The following RFX3 variants were observed in gnomAD, a reference collection of about 807,000 sequenced individuals.
RFX3 encodes the protein transcription factor RFX3.
Under a neutral mutation model 98.6 loss-of-function variants are expected in RFX3, and 14 were observed. That is an observed-to-expected ratio of 0.14 (90% confidence interval 0.09 to 0.22). The LOEUF is 0.22. Ranked by LOEUF, RFX3 falls within the 10% of genes least tolerant of loss-of-function variation. The probability of loss-of-function intolerance (pLI) is 1.00; values close to 1 mark genes in which losing one functional copy is unlikely to be tolerated. For synonymous variants in RFX3, 383 were observed against 328.4 expected (o/e 1.17, Z -1.80); for missense variants, 639 against 926.9 (o/e 0.69, Z 4.03).
intron 2 of RFX3, among the ~76,000 whole-genome samples, chr9:3,359,967 T>C (rs1305265963): frequency 6.6e-6 from 1 of 152,170 alleles, no homozygotes; most frequent in African/African-American, 2.4e-5. Flanking sequence ...ACAAGCTTAT[T>C]TTCTATTTTA....
At chr9:3,516,718 C>T (rs1222034698) in intron 1 of RFX3, among the ~76,000 whole-genome samples, 1 of 151,630 alleles carries the variant, frequency 6.6e-6, no homozygotes, top group African/African-American at 2.4e-5. Flanking sequence ...CACTAGCTCG[C>T]TTTCGCACTC....
chr9:3,520,239 A>G (rs1054614877), intron 1 of RFX3, among the ~76,000 whole-genome samples: 4 of 152,224 alleles, frequency 2.6e-5, no homozygotes, highest in Non-Finnish European at 5.9e-5. Context: ...AATGTTTTGG[A>G]TTCTTTGAGG....
chr9:3,310,587 T>A (rs1316571429), intron 4 of RFX3, among the ~76,000 whole-genome samples: 1 of 152,202 alleles, frequency 6.6e-6, no homozygotes, highest in Non-Finnish European at 1.5e-5. Flanking sequence ...CTTTATGAAT[T>A]ATAAAGGGTT....
chr9:3,354,780 A>G (rs1007414370), intron 2 of RFX3, among the ~76,000 whole-genome samples: 2 of 151,928 alleles, frequency 1.3e-5, no homozygotes, highest in African/African-American at 2.4e-5. Context: ...AACATCAGAA[A>G]TAATAAATTT....
chr9:3,387,539 C>A (rs548595004), intron 2 of RFX3, among the ~76,000 whole-genome samples: 1 of 152,136 alleles, frequency 6.6e-6, no homozygotes, highest in Non-Finnish European at 1.5e-5. Flanking sequence ...GCATGGTCCT[C>A]CAAAACACCT....
intron 2 of RFX3, among the ~76,000 whole-genome samples, chr9:3,359,114 A>C (rs1219397029): frequency 6.6e-6 from 1 of 151,960 alleles, no homozygotes; most frequent in Non-Finnish European, 1.5e-5. Context: ...GATTTGGTGA[A>C]AGTAAGAAAT....
chr9:3,486,850 C>T (rs1484044878), intron 1 of RFX3, among the ~76,000 whole-genome samples: 1 of 152,066 alleles, frequency 6.6e-6, no homozygotes, highest in African/African-American at 2.4e-5. Context: ...TCTATGTGCA[C>T]ATAAGTAATT....
At chr9:3,425,097 G>A (rs1325857856) in intron 1 of RFX3, among the ~76,000 whole-genome samples, 2 of 152,134 alleles carry the variant, frequency 1.3e-5, no homozygotes, top group Admixed American at 1.3e-4. Flanking sequence ...ACTTAGCCAG[G>A]CATGGTGGCC....
At chr9:3,359,533 G>C (rs909040374) in intron 2 of RFX3, among the ~76,000 whole-genome samples, 4 of 152,072 alleles carry the variant, frequency 2.6e-5, no homozygotes, top group African/African-American at 9.7e-5. Flanking sequence ...CACAGGATGG[G>C]AAATGAGAAT....
intron 1 of RFX3, among the ~76,000 whole-genome samples, chr9:3,505,053 T>C (rs1339776207): frequency 1.1e-5 from 1 of 91,346 alleles, no homozygotes; most frequent in Non-Finnish European, 1.9e-5. Context: ...TTATATTATA[T>C]ATAAAATATA....
At chr9:3,268,738 A>G (rs1823988750) in intron 11 of RFX3, among the ~76,000 whole-genome samples, 2 of 151,960 alleles carry the variant, frequency 1.3e-5, no homozygotes, top group Non-Finnish European at 1.5e-5. Flanking sequence ...AATTAAACTA[A>G]AATTGATACA....
At chr9:3,362,131 T>C (rs1184494614) in intron 2 of RFX3, among the ~76,000 whole-genome samples, 1 of 152,136 alleles carries the variant, frequency 6.6e-6, no homozygotes, top group Non-Finnish European at 1.5e-5. Context: ...ATTACTTAAA[T>C]TCTCTCTCAC....
chr9:3,460,838 C>T (rs937249905), intron 1 of RFX3, among the ~76,000 whole-genome samples: 3 of 151,902 alleles, frequency 2.0e-5, no homozygotes, highest in Non-Finnish European at 4.4e-5. Flanking sequence ...AAAGACAATG[C>T]TTCCCTAATC....
intron 1 of RFX3, among the ~76,000 whole-genome samples, chr9:3,521,744 A>C (rs112548328): frequency 4.2e-4 from 64 of 152,310 alleles, no homozygotes; most frequent in African/African-American, 1.4e-3. Flanking sequence ...CAACAAAAAC[A>C]ACACCTATTT....
Position 3,525,802 on chromosome 9 carries a change from G to A in RFX3, c.-64C>T. On this transcript the variant is annotated 5_prime_UTR_variant, in exon 1 of 17. Coordinates refer to ENST00000617270, the MANE Select transcript of RFX3 (RefSeq NM_001282116.2). ...TGGGTGATGGAGATGGTGGTGGTGGGGAGGAGGAGGAGGAAGAGGAGGAGG... is the reference window on the plus strand; with the variant it reads ...TGGGTGATGGAGATGGTGGTGGTGGAGAGGAGGAGGAGGAAGAGGAGGAGG... 1.6e-6 allele frequency: 1 copy of A among 607,422 alleles called. No individual in the cohort carries two copies. The highest frequency in any genetic ancestry group is 2.1e-6 in the Non-Finnish European group (1 of 484,216). The allele number at this position is 607,422 out of a possible 1,614,324, so 37.6% of individuals were successfully genotyped here.
intron 6 of RFX3, among the ~76,000 whole-genome samples, 189 bp downstream of exon 6, chr9:3,292,888 T>C (rs571434618): frequency 6.6e-6 from 1 of 152,328 alleles, no homozygotes; most frequent in East Asian, 1.9e-4. Context: ...AGACAACATA[T>C]AATTGTGGCT....
intron 13 of RFX3, among the ~76,000 whole-genome samples, chr9:3,261,058 A>C (rs987178779): frequency 6.6e-6 from 1 of 151,858 alleles, no homozygotes; most frequent in Non-Finnish European, 1.5e-5. Context: ...AAGAAGTAGA[A>C]ATTAAAATTT....
intron 1 of RFX3, among the ~76,000 whole-genome samples, chr9:3,440,255 G>C (rs921778506): frequency 1.3e-5 from 2 of 152,012 alleles, no homozygotes; most frequent in Admixed American, 6.6e-5. Context: ...GTTCTAGCTA[G>C]TGCTATCAGC....
At chr9:3,353,522 C>A (rs981309298) in intron 2 of RFX3, among the ~76,000 whole-genome samples, 3 of 151,882 alleles carry the variant, frequency 2.0e-5, no homozygotes, top group African/African-American at 7.3e-5. Flanking sequence ...GATGTGATTA[C>A]CCATAGTGGT....
Sources: gnomAD v4.1 joint callset for allele counts (sites outside exome capture counted in the v4.1 genomes callset) on GRCh38, gnomAD v4.1.1 for gene constraint, MANE v1.5 for transcripts, NCBI Gene and HGNC (gene_info 2026-07-23, HGNC 2026-07-21) for gene names.